Variants in DNAH3 observed in about 807,000 individuals in gnomAD.
The protein encoded by DNAH3 is dynein axonemal heavy chain 3.
DNAH3 carries 332 observed loss-of-function variants against 432.5 expected under a neutral mutation model. The observed-to-expected ratio is 0.77, with a 90% CI of 0.70 to 0.84. The LOEUF is 0.84. Among genes scored for constraint, DNAH3 ranks in the 40% least tolerant of loss-of-function variants. The pLI is 0.00. For synonymous variants in DNAH3, 1,956 were observed against 1,900.2 expected, an observed-to-expected ratio of 1.03 and a Z score of -0.76; for missense variants, 4,861 against 5,114.0, an observed-to-expected ratio of 0.95 and a Z score of 1.51.
intron 24 of DNAH3, among the ~76,000 whole-genome samples, chr16:21,066,575 T>TC (rs2090558442): frequency 6.6e-6 from 1 of 152,028 alleles, no homozygotes; most frequent in African/African-American, 2.4e-5. Flanking sequence ...CCCCATCTTG[T>TC]CCAGGCTGGT....
chr16:21,151,795 A>G (rs1228947085), intron 1 of DNAH3, among the ~76,000 whole-genome samples: 1 of 152,210 alleles, frequency 6.6e-6, no homozygotes, highest in Non-Finnish European at 1.5e-5. Context: ...TTAAAAGCAC[A>G]TGTTCCATGG....
At chr16:21,040,474 C>T (rs981999408) in intron 32 of DNAH3, among the ~76,000 whole-genome samples, 3 of 148,198 alleles carry the variant, frequency 2.0e-5, no homozygotes, top group Non-Finnish European at 3.0e-5. Context: ...AAGCGATTCT[C>T]GTGCCTCAGC....
chr16:21,015,335 ATGTC>A (rs1050563712), intron 41 of DNAH3, among the ~76,000 whole-genome samples: 1 of 152,230 alleles, frequency 6.6e-6, no homozygotes, highest in Non-Finnish European at 1.5e-5. Flanking sequence ...CAAGAATATC[ATGTC>A]TTGGAAAAGT....
intron 17 of DNAH3, 85 bp downstream of exon 17, chr16:21,098,531 T>A: frequency 7.1e-7 from 1 of 1,400,452 alleles, no homozygotes; most frequent in South Asian, 1.5e-5. Context: ...TAGTAGATGC[T>A]ATTAGGAAAT....
intron 18 of DNAH3, among the ~76,000 whole-genome samples, chr16:21,096,295 C>G (rs1038577449): frequency 1.3e-5 from 2 of 151,872 alleles, no homozygotes; most frequent in African/African-American, 4.8e-5. Flanking sequence ...TCACACTTGG[C>G]TGATTTTTTA....
chr16:21,052,746 A>C (rs1028991363), intron 28 of DNAH3, among the ~76,000 whole-genome samples: 2 of 152,222 alleles, frequency 1.3e-5, no homozygotes, highest in Non-Finnish European at 2.9e-5. Flanking sequence ...TGAGCCAGAG[A>C]GCTTTGCAAT....
At position 21,003,103 on chromosome 16, in the gene DNAH3, C is replaced by G. The variant is rs539881039; in HGVS notation, c.6126+1G>C. 6.3e-7 allele frequency: 1 copy of G among 1,593,158 alleles called. No homozygotes were observed. On this transcript the variant is annotated splice_donor_variant, in intron 42 of 61. Coordinates refer to ENST00000261383, the Ensembl canonical transcript of DNAH3. LOFTEE classifies it high-confidence loss of function. ...TCCATGGCCAATGATTCTCTTTATA[C>G]CTTTGCACCAGCTGGAACTTTTTCC... is the stretch of plus-strand genomic sequence containing the variant.
intron 35 of DNAH3, among the ~76,000 whole-genome samples, chr16:21,036,345 A>C (rs1338189833): frequency 6.6e-6 from 1 of 152,088 alleles, no homozygotes; most frequent in Non-Finnish European, 1.5e-5. Context: ...CAAACAAACA[A>C]ACAAACACAA....
At chr16:20,945,192 G>T (rs2152570913) in intron 57 of DNAH3, among the ~76,000 whole-genome samples, 1 of 152,318 alleles carries the variant, frequency 6.6e-6, no homozygotes, top group Admixed American at 6.5e-5. Flanking sequence ...GGCCACGGAA[G>T]TGACCTCTAG....
chr16:21,094,058 T>C (rs2091610304), intron 18 of DNAH3, among the ~76,000 whole-genome samples: 1 of 152,120 alleles, frequency 6.6e-6, no homozygotes. Flanking sequence ...AATTGATACG[T>C]TGGACGTCAT....
intron 20 of DNAH3, among the ~76,000 whole-genome samples, chr16:21,076,106 C>T (rs1447603902): frequency 6.6e-6 from 1 of 152,036 alleles, no homozygotes; most frequent in Non-Finnish European, 1.5e-5. Flanking sequence ...TAAATATTGT[C>T]TCCTCAAAAA....
At chr16:21,061,878 A>G (rs1375043003) in intron 25 of DNAH3, among the ~76,000 whole-genome samples, 1 of 152,296 alleles carries the variant, frequency 6.6e-6, no homozygotes, top group East Asian at 1.9e-4. Flanking sequence ...GGTGCTTGTA[A>G]GCTAGCTGGT....
exon 13 of DNAH3, chr16:21,112,061 C>T: frequency 6.2e-7 from 1 of 1,613,546 alleles, no homozygotes; most frequent in South Asian, 1.1e-5. Context: ...GCCGTGTTAT[C>T]CAATAAGTCA....
At chr16:20,997,450 A>G (rs368852138) in exon 44 of DNAH3, 7 of 1,613,944 alleles carry the variant, frequency 4.3e-6, no homozygotes, top group Non-Finnish European at 4.2e-6. Context: ...TTTGGCTGGC[A>G]TGTTGAGGTC....
chr16:20,959,479 T>A (rs555264386), intron 53 of DNAH3, 75 bp from the exon 54 acceptor site: 192 of 1,439,574 alleles, frequency 1.3e-4, no homozygotes, highest in Admixed American at 8.9e-4. Flanking sequence ...ATATCAACAA[T>A]AACAACATGG....
chr16:21,072,837 T>C (rs1359154159), intron 21 of DNAH3, among the ~76,000 whole-genome samples: 3 of 147,584 alleles, frequency 2.0e-5, no homozygotes, highest in Admixed American at 1.4e-4. Flanking sequence ...ATTATTATTA[T>C]TATTACTATT....
chr16:20,936,958 G>T, intron 59 of DNAH3, 105 bp from the exon 60 acceptor site: 1 of 845,936 alleles, frequency 1.2e-6, no homozygotes, highest in South Asian at 1.8e-5. Context: ...TTAATGCACA[G>T]TCATTAAATG....
chr16:21,028,336 G>T (rs1402877903), intron 37 of DNAH3, among the ~76,000 whole-genome samples: 1 of 151,974 alleles, frequency 6.6e-6, no homozygotes, highest in Non-Finnish European at 1.5e-5. Context: ...AAGCCACCGT[G>T]CCTGGCCCAT....
At chr16:21,050,519 G>A (rs1199753813) in intron 29 of DNAH3, among the ~76,000 whole-genome samples, 2 of 152,142 alleles carry the variant, frequency 1.3e-5, no homozygotes, top group African/African-American at 4.8e-5. Flanking sequence ...GCTCACTGCA[G>A]CCTTGACCTC....
Sources: gnomAD v4.1 joint callset for allele counts (sites outside exome capture counted in the v4.1 genomes callset) on GRCh38, gnomAD v4.1.1 for gene constraint, MANE v1.5 for transcripts, NCBI Gene and HGNC (gene_info 2026-07-23, HGNC 2026-07-21) for gene names.